The following BBS9 variants were observed in gnomAD, a reference collection of about 807,000 sequenced individuals.
BBS9 encodes the protein Bardet-Biedl syndrome 9.
In BBS9, 89 loss-of-function variants were observed where a neutral mutation model predicts 117.7. That is an observed-to-expected ratio of 0.76 (90% CI 0.64 to 0.90). BBS9 has a LOEUF of 0.90. Among genes scored for constraint, BBS9 ranks in the 40% least tolerant of loss-of-function variants. The pLI is 0.00. For missense variants in BBS9, 982 were observed against 1,042.2 expected, an observed-to-expected ratio of 0.94 and a Z score of 0.80; for synonymous variants, 379 against 370.9, an observed-to-expected ratio of 1.02 and a Z score of -0.25.
At chr7:33,287,283 T>A (rs1226193390) in intron 9 of BBS9, among the ~76,000 whole-genome samples, 1 of 152,198 alleles carries the variant, frequency 6.6e-6, no homozygotes, top group Non-Finnish European at 1.5e-5. Context: ...GGTAGCTTAT[T>A]CAAAACTTTC....
rs1214051217 is a variant in BBS9 at position 33,357,858 on chromosome 7, T to C, written c.1556T>C (p.Ile519Thr). ...ACATATCTCTCTTTTATTTTAGGCA[T>C]TCCGCGAGTTATCCAATGTAAATTT... is the stretch of plus-strand genomic sequence containing the variant. ...SRPTDRNPDGIPRVIQCKFRL... is the reference protein window; with the variant it reads ...SRPTDRNPDGTPRVIQCKFRL... The change falls in exon 16 of 23, where the codon ATT (isoleucine) becomes ACT (threonine). Residue 519 changes from isoleucine (I) to threonine (T), a missense_variant. Coordinates refer to ENST00000242067, the MANE Select transcript of BBS9 (RefSeq NM_198428.3). The C allele has an allele frequency of 6.2e-7, 1 of 1,611,690 alleles. No individual in the cohort carries two copies. The highest frequency in any genetic ancestry group is 2.2e-5 in the East Asian group (1 of 44,800).
At chr7:33,363,684 ATT>A (rs754006835) in intron 16 of BBS9, among the ~76,000 whole-genome samples, 12 of 138,956 alleles carry the variant, frequency 8.6e-5, no homozygotes, top group Admixed American at 2.2e-4. Flanking sequence ...TATTTTTTAG[ATT>A]TTTTTTTTTT....
At chr7:33,553,835 C>T (rs1297812990) in intron 21 of BBS9, among the ~76,000 whole-genome samples, 2 of 152,040 alleles carry the variant, frequency 1.3e-5, no homozygotes, top group African/African-American at 2.4e-5. Context: ...ACAAGAGAGA[C>T]AGGATTCGTA....
chr7:33,278,913 G>T (rs1407056390), intron 9 of BBS9, among the ~76,000 whole-genome samples: 2 of 152,196 alleles, frequency 1.3e-5, no homozygotes, highest in Non-Finnish European at 2.9e-5. Context: ...TGACATTGCA[G>T]TCGAGAGAGC....
At chr7:33,317,880 C>T (rs75564067) in intron 9 of BBS9, among the ~76,000 whole-genome samples, 2,518 of 152,100 alleles carry the variant, frequency 0.017, 79 homozygotes, top group African/African-American at 0.057. Flanking sequence ...GGCGAAACCC[C>T]GTCTAATAAA....
intron 5 of BBS9, among the ~76,000 whole-genome samples, chr7:33,251,108 C>T (rs1796149121): frequency 6.6e-6 from 1 of 152,142 alleles, no homozygotes; most frequent in Non-Finnish European, 1.5e-5. Context: ...AAAGTGACTT[C>T]AGTATCTACA....
chr7:33,521,624 G>A (rs975892275), intron 20 of BBS9, among the ~76,000 whole-genome samples: 34 of 61,066 alleles, frequency 5.6e-4, no homozygotes, highest in African/African-American at 2.2e-3. Context: ...TTTTTTCAGT[G>A]CTTTATTTTA....
intron 18 of BBS9, among the ~76,000 whole-genome samples, chr7:33,386,131 A>T (rs1825963721): frequency 6.6e-6 from 1 of 152,088 alleles, no homozygotes; most frequent in Non-Finnish European, 1.5e-5. Context: ...AAAGTATAAT[A>T]AAAAAATAAA....
At chr7:33,542,790 T>TACACACACACACAC in intron 21 of BBS9, among the ~76,000 whole-genome samples, 1 of 134,380 alleles carries the variant, frequency 7.4e-6, no homozygotes, top group South Asian at 2.6e-4. Context: ...TATATATATG[T>TACACACACACACAC]ACACACACAC....
intron 19 of BBS9, among the ~76,000 whole-genome samples, chr7:33,448,697 G>C (rs1469469528): frequency 6.6e-6 from 1 of 152,172 alleles, no homozygotes; most frequent in Non-Finnish European, 1.5e-5. Context: ...CTAAAGAATA[G>C]GAATCTGAGA....
chr7:33,440,179 T>A (rs1224079811), intron 19 of BBS9, among the ~76,000 whole-genome samples: 2 of 152,170 alleles, frequency 1.3e-5, no homozygotes, highest in Non-Finnish European at 2.9e-5. Flanking sequence ...CCATTGAAGG[T>A]TGGAAATAAT....
chr7:33,378,282 G>T (rs1055732201), intron 17 of BBS9, among the ~76,000 whole-genome samples: 3 of 152,082 alleles, frequency 2.0e-5, no homozygotes, highest in African/African-American at 7.2e-5. Context: ...TGTATGTGTT[G>T]TTCACTATTA....
At chr7:33,491,821 A>G (rs1330101560) in intron 19 of BBS9, among the ~76,000 whole-genome samples, 2 of 152,226 alleles carry the variant, frequency 1.3e-5, no homozygotes, top group Non-Finnish European at 2.9e-5. Context: ...TTGGGATTGT[A>G]TAAACTAGAG....
intron 19 of BBS9, among the ~76,000 whole-genome samples, chr7:33,404,291 T>C (rs939259793): frequency 6.6e-6 from 1 of 152,166 alleles, no homozygotes; most frequent in African/African-American, 2.4e-5. Flanking sequence ...GCCTCCAGCT[T>C]TGTTCTTTTG....
intron 20 of BBS9, among the ~76,000 whole-genome samples, chr7:33,531,271 C>T (rs562187327): frequency 3.5e-4 from 53 of 152,150 alleles, no homozygotes; most frequent in African/African-American, 1.1e-3. Context: ...ACAGAGAGAG[C>T]GAGCCTCATA....
rs537681696 is a variant in BBS9, at chr7:33,216,877, C to T, written c.442+39286C>T. ...TTGGGAGGCCGAGGCGGGTGGATCA[C>T]GAGGTCAGGAGTTTGAGACCAGCCT... On this transcript the variant is annotated intron_variant, in intron 5 of 22. Transcript: ENST00000242067. 3.0e-3 allele frequency among the ~76,000 whole-genome samples: 463 copies of T among 152,164 alleles called. 3 individuals carry two copies. The highest frequency in any genetic ancestry group is 5.0e-3 in the Non-Finnish European group (342 of 67,994).
intron 5 of BBS9, among the ~76,000 whole-genome samples, chr7:33,204,272 TGGC>T (rs1190272142): frequency 2.4e-5 from 3 of 124,566 alleles, no homozygotes; most frequent in African/African-American, 6.0e-5. Flanking sequence ...GTGGTGGTGG[TGGC>T]GAGTACCTGT....
At chr7:33,460,475 AT>A (rs1839302859) in intron 19 of BBS9, among the ~76,000 whole-genome samples, 1 of 152,074 alleles carries the variant, frequency 6.6e-6, no homozygotes, top group Admixed American at 6.6e-5. Flanking sequence ...ATTTTCTCTT[AT>A]TAAATATTTT....
At chr7:33,456,602 AT>A (rs1403898716) in intron 19 of BBS9, among the ~76,000 whole-genome samples, 1 of 151,712 alleles carries the variant, frequency 6.6e-6, no homozygotes, top group African/African-American at 2.4e-5. Context: ...GACTTTCTTC[AT>A]TTTTTCCCCT....
Sources: allele counts gnomAD v4.1 joint callset (sites outside exome capture counted in the v4.1 genomes callset), GRCh38; gene constraint gnomAD v4.1.1; transcripts MANE v1.5; gene names NCBI Gene and HGNC (gene_info 2026-07-23, HGNC 2026-07-21).